MEI4: variants seen among roughly 807,000 people sequenced by gnomAD.
MEI4 encodes the protein meiotic double-stranded break formation protein 4.
MEI4 carries 27 observed loss-of-function variants against 31.4 expected under a neutral mutation model. The ratio of observed to expected loss-of-function variants is 0.86; its 90% CI spans 0.63 to 1.19. The LOEUF (loss-of-function observed/expected upper bound fraction) is 1.19. Ranked by LOEUF, MEI4 falls within the 50% of genes most tolerant of loss-of-function variation. MEI4 has a pLI of 0.00. For synonymous variants in MEI4, 122 were observed against 145.4 expected, an observed-to-expected ratio of 0.84 and a Z score of 1.16; for missense variants, 329 against 398.9, an observed-to-expected ratio of 0.82 and a Z score of 1.49.
chr6:77,877,274 T>C (rs1771365014), intron 4 of MEI4, among the ~76,000 whole-genome samples: 1 of 151,994 alleles, frequency 6.6e-6, no homozygotes, highest in Non-Finnish European at 1.5e-5. Context: ...TGTGAAAATA[T>C]ATATATATTT....
At chr6:77,734,147 C>T (rs973695246) in intron 2 of MEI4, among the ~76,000 whole-genome samples, 1 of 151,890 alleles carries the variant, frequency 6.6e-6, no homozygotes, top group Non-Finnish European at 1.5e-5. Flanking sequence ...ATTAGGTCCG[C>T]TTGGTGCAGA....
intron 4 of MEI4, among the ~76,000 whole-genome samples, chr6:77,851,215 G>A (rs540677859): frequency 4.9e-4 from 74 of 152,040 alleles, no homozygotes; most frequent in Middle Eastern, 3.4e-3. Flanking sequence ...CAACCATTGT[G>A]GAAGACTGTG....
chr6:77,745,735 G>A (rs1380001748), intron 2 of MEI4, among the ~76,000 whole-genome samples: 1 of 152,034 alleles, frequency 6.6e-6, no homozygotes, highest in East Asian at 1.9e-4. Context: ...GCACTCCTCA[G>A]CAAATGTAAA....
chr6:77,704,150 T>C (rs1217445872), intron 2 of MEI4, among the ~76,000 whole-genome samples: 2 of 152,238 alleles, frequency 1.3e-5, no homozygotes, highest in African/African-American at 4.8e-5. Flanking sequence ...GAGACTCTTT[T>C]GAAGGTAGGA....
intron 4 of MEI4, among the ~76,000 whole-genome samples, chr6:77,834,004 T>G (rs1770147212): frequency 6.6e-6 from 1 of 152,184 alleles, no homozygotes; most frequent in Non-Finnish European, 1.5e-5. Context: ...GGTGTATATG[T>G]GCCACATTTT....
At chr6:77,763,599 A>G (rs1007626593) in intron 3 of MEI4, among the ~76,000 whole-genome samples, 7 of 152,314 alleles carry the variant, frequency 4.6e-5, no homozygotes, top group South Asian at 4.1e-4. Context: ...TATTTCATCT[A>G]TAGATCCACC....
chr6:77,670,367 A>C (rs1370319020), intron 1 of MEI4, among the ~76,000 whole-genome samples: 1 of 152,104 alleles, frequency 6.6e-6, no homozygotes, highest in Non-Finnish European at 1.5e-5. Context: ...TAATACACAG[A>C]ACTGAACACA....
At chr6:77,716,806 G>A (rs1396783893) in intron 2 of MEI4, 2 of 874,356 alleles carry the variant, frequency 2.3e-6, no homozygotes, top group Admixed American at 6.2e-5. Context: ...ATGTTGTCAT[G>A]TGGAAGTTGA....
chr6:77,757,813 G>T (rs1048309708), intron 2 of MEI4, among the ~76,000 whole-genome samples: 1 of 152,128 alleles, frequency 6.6e-6, no homozygotes, highest in African/African-American at 2.4e-5. Context: ...GTCTTGAGAA[G>T]TCATTTTCAG....
At chr6:77,728,353 G>A (rs1003290959) in intron 2 of MEI4, among the ~76,000 whole-genome samples, 1 of 152,146 alleles carries the variant, frequency 6.6e-6, no homozygotes, top group Non-Finnish European at 1.5e-5. Flanking sequence ...AGCTCCTAAA[G>A]TAGTCATGTA....
intron 2 of MEI4, among the ~76,000 whole-genome samples, chr6:77,752,466 G>A (rs1401587937): frequency 1.3e-5 from 2 of 151,782 alleles, no homozygotes; most frequent in Non-Finnish European, 2.9e-5. Context: ...TATACACCAA[G>A]AACAGACAGA....
At chr6:77,745,330 A>G (rs1473134142) in intron 2 of MEI4, among the ~76,000 whole-genome samples, 1 of 152,206 alleles carries the variant, frequency 6.6e-6, no homozygotes, top group East Asian at 1.9e-4. Context: ...CTAGTCTCTG[A>G]TAAAACAGAC....
At chr6:77,755,851 T>TGTGTGTGC (rs370822572) in intron 2 of MEI4, among the ~76,000 whole-genome samples, 19 of 151,706 alleles carry the variant, frequency 1.3e-4, no homozygotes, top group African/African-American at 3.2e-4. Context: ...TGTGTGTGTG[T>TGTGTGTGC]GTGTATTTTA....
chr6:77,890,757 G>T (rs1771745551), intron 4 of MEI4, among the ~76,000 whole-genome samples: 1 of 152,166 alleles, frequency 6.6e-6, no homozygotes, highest in Non-Finnish European at 1.5e-5. Context: ...GACCCAGTGG[G>T]AGGTAATTGA....
chr6:77,760,228 A>T (rs1214181813), intron 2 of MEI4, among the ~76,000 whole-genome samples: 1 of 151,058 alleles, frequency 6.6e-6, no homozygotes, highest in Non-Finnish European at 1.5e-5. Context: ...ATACATATAT[A>T]TACACACATA....
At chr6:77,795,765 G>A (rs555407011) in intron 3 of MEI4, among the ~76,000 whole-genome samples, 5 of 131,426 alleles carry the variant, frequency 3.8e-5, no homozygotes, top group Admixed American at 7.8e-5. Flanking sequence ...AGATTGCATT[G>A]GAAAAAAAAA....
chr6:77,917,591 G>A (rs1370277068), intron 4 of MEI4, among the ~76,000 whole-genome samples: 6 of 79,908 alleles, frequency 7.5e-5, no homozygotes, highest in African/African-American at 2.6e-4. Flanking sequence ...GTCTGTTCAT[G>A]TCCTTTGCCC....
At chr6:77,737,962 A>C (rs1022035939) in intron 2 of MEI4, among the ~76,000 whole-genome samples, 1 of 152,200 alleles carries the variant, frequency 6.6e-6, no homozygotes. Flanking sequence ...AAGGAAGGAA[A>C]GCTGGTGACT....
In MEI4 at chr6:77,909,305, C is replaced by T. The variant is rs147795355; in HGVS notation, c.901-13784C>T. 9.9e-3 allele frequency among the ~76,000 whole-genome samples: 1,510 copies of T among 151,924 alleles called. 19 individuals carry two copies. The highest frequency in any genetic ancestry group is 0.033 in the African/African-American group (1,373 of 41,408). On this transcript the variant is annotated intron_variant, in intron 4 of 4. Coordinates refer to ENST00000684080, the MANE Select transcript of MEI4 (RefSeq NM_001322247.2). ...GAAAAGATCAACAAAACTGATAGAC[C>T]GCTAGCAAGACTACTAAAGAAGAAA...
Sources: allele counts gnomAD v4.1 joint callset (sites outside exome capture counted in the v4.1 genomes callset), GRCh38; gene constraint gnomAD v4.1.1; transcripts MANE v1.5; gene names NCBI Gene and HGNC (gene_info 2026-07-23, HGNC 2026-07-21).